Variants in RSU1 observed in about 807,000 individuals in gnomAD.
RSU1 encodes Ras suppressor protein 1.
Under a neutral mutation model 31.1 loss-of-function variants are expected in RSU1, and 26 were observed. That is an observed-to-expected ratio of 0.84 (90% CI 0.61 to 1.16). The LOEUF is 1.16. RSU1 is among the 50% of genes most tolerant of loss of function. The pLI, the probability that RSU1 is intolerant of heterozygous loss-of-function variation, is 0.00. For synonymous variants in RSU1, 164 were observed against 136.3 expected, an observed-to-expected ratio of 1.20 and a Z score of -1.41; for missense variants, 320 against 339.1, an observed-to-expected ratio of 0.94 and a Z score of 0.44.
intron 2 of RSU1, among the ~76,000 whole-genome samples, chr10:16,803,255 T>C (rs547585980): frequency 6.6e-6 from 1 of 152,158 alleles, no homozygotes; most frequent in Non-Finnish European, 1.5e-5. Flanking sequence ...ACACACCATT[T>C]ACATTAACAC....
chr10:16,702,879 CT>C (rs1588479742), intron 7 of RSU1, among the ~76,000 whole-genome samples: 1 of 152,178 alleles, frequency 6.6e-6, no homozygotes, highest in African/African-American at 2.4e-5. Flanking sequence ...TCGTTTGGAT[CT>C]GCAACCCTGC....
At chr10:16,781,720 T>G (rs10904805) in intron 3 of RSU1, among the ~76,000 whole-genome samples, 62,592 of 152,036 alleles carry the variant, frequency 0.41, 15,759 homozygotes, top group African/African-American at 0.72. Flanking sequence ...GGCGCCACGG[T>G]TCATGCCTGT....
chr10:16,621,991 AG>A (rs1171110817), intron 8 of RSU1, among the ~76,000 whole-genome samples: 1 of 152,222 alleles, frequency 6.6e-6, no homozygotes, highest in Non-Finnish European at 1.5e-5. Context: ...ATAACAATAC[AG>A]GTGCCTTGCT....
At chr10:16,697,829 CCTT>C (rs1835711079) in intron 7 of RSU1, among the ~76,000 whole-genome samples, 1 of 151,942 alleles carries the variant, frequency 6.6e-6, no homozygotes, top group South Asian at 2.1e-4. Context: ...AAATATCTTT[CCTT>C]CTTCTGCAAA....
intron 3 of RSU1, 113 bp downstream of exon 3, chr10:16,781,921 T>C: frequency 1.1e-6 from 1 of 889,526 alleles, no homozygotes; most frequent in Non-Finnish European, 1.8e-6. Flanking sequence ...AACTAAGGTT[T>C]CTGCAAATAA....
At chr10:16,598,941 T>C (rs918219712) in intron 8 of RSU1, among the ~76,000 whole-genome samples, 1 of 151,864 alleles carries the variant, frequency 6.6e-6, no homozygotes. Flanking sequence ...GATGGAAAAA[T>C]GAAAGAACCA....
rs540193264 is a variant in RSU1, at chr10:16,817,417, C to T, written c.-106G>A. The T allele has an allele frequency of 3.9e-6, 1 of 255,706 alleles. No homozygotes were observed. Among genetic ancestry groups the T allele is most frequent in the South Asian group, 5.2e-5 (1 of 19,316 alleles). 15.8% of individuals were successfully genotyped at this position (255,706 alleles called of 1,614,324 possible). On this transcript the variant is annotated 5_prime_UTR_variant, in exon 1 of 9. Transcript: ENST00000345264. ...TGCAACACCGGCACTGAACAGCGAA[C>T]ACGCCCTGTCTCGGCGCCCCGCGCA... is the stretch of plus-strand genomic sequence containing the variant.
intron 8 of RSU1, among the ~76,000 whole-genome samples, chr10:16,658,297 T>C (rs1160504251): frequency 6.6e-6 from 1 of 152,238 alleles, no homozygotes; most frequent in Non-Finnish European, 1.5e-5. Flanking sequence ...GAAATTGGGA[T>C]GAAGATAAAC....
intron 2 of RSU1, among the ~76,000 whole-genome samples, chr10:16,812,774 T>A (rs1370658054): frequency 6.6e-6 from 1 of 151,732 alleles, no homozygotes; most frequent in African/African-American, 2.4e-5. Context: ...GATTAAAAAA[T>A]CAGGAAACAC....
intron 8 of RSU1, among the ~76,000 whole-genome samples, chr10:16,678,411 C>G (rs1189750981): frequency 6.6e-6 from 1 of 152,202 alleles, no homozygotes. Context: ...AACCTTCTCT[C>G]AAGCTGTCTT....
chr10:16,609,447 C>A (rs139060498), intron 8 of RSU1, among the ~76,000 whole-genome samples: 2 of 152,316 alleles, frequency 1.3e-5, no homozygotes, highest in Non-Finnish European at 2.9e-5. Context: ...ATCTAAGAAT[C>A]TCACCCACAA....
At chr10:16,815,886 C>T (rs1318076224) in intron 2 of RSU1, among the ~76,000 whole-genome samples, 1 of 152,154 alleles carries the variant, frequency 6.6e-6, no homozygotes, top group African/African-American at 2.4e-5. Context: ...TTTGTAAAGG[C>T]ACCAAGATCT....
At chr10:16,812,454 C>A (rs139594928) in intron 2 of RSU1, among the ~76,000 whole-genome samples, 9 of 151,952 alleles carry the variant, frequency 5.9e-5, no homozygotes, top group South Asian at 2.1e-4. Flanking sequence ...AAACAAAAAA[C>A]AAAAATTAAA....
intron 7 of RSU1, among the ~76,000 whole-genome samples, chr10:16,704,595 C>T (rs954383708): frequency 6.6e-6 from 1 of 152,192 alleles, no homozygotes; most frequent in Admixed American, 6.5e-5. Flanking sequence ...GGGAGTTATA[C>T]ACAAAAACAA....
intron 8 of RSU1, among the ~76,000 whole-genome samples, chr10:16,633,619 C>G (rs1250342165): frequency 6.6e-6 from 1 of 152,012 alleles, no homozygotes; most frequent in Non-Finnish European, 1.5e-5. Context: ...GTGGTGAGTC[C>G]CAGGTCACTG....
At chr10:16,608,676 C>T (rs1196701650) in intron 8 of RSU1, among the ~76,000 whole-genome samples, 1 of 151,956 alleles carries the variant, frequency 6.6e-6, no homozygotes, top group Non-Finnish European at 1.5e-5. Flanking sequence ...ACGGCATCTC[C>T]GAGAGCTCAA....
At chr10:16,714,812 G>A (rs563620616) in intron 7 of RSU1, among the ~76,000 whole-genome samples, 24 of 152,128 alleles carry the variant, frequency 1.6e-4, no homozygotes, top group Non-Finnish European at 3.1e-4. Flanking sequence ...GGTTCAAGAT[G>A]GGACAGAGTT....
rs559142215 is a variant in RSU1, at chr10:16,751,459, C to G, written c.598+1080G>C. 1.7e-4 allele frequency among the ~76,000 whole-genome samples: 26 copies of G among 152,284 alleles called. No individual in the cohort carries two copies. In the South Asian group the frequency reaches 5.2e-3, roughly 30 times the overall value. ...GACTAATATGGCTGCCAACAGAACT[C>G]AAGGTGCTGATAGGCGTGCTCTGTG... On this transcript the variant is annotated intron_variant, in intron 7 of 8. Transcript: ENST00000345264.
chr10:16,772,661 A>G (rs78370116), intron 3 of RSU1, among the ~76,000 whole-genome samples: 2 of 143,780 alleles, frequency 1.4e-5, no homozygotes, highest in Non-Finnish European at 3.1e-5. Context: ...AAAAAAAAAA[A>G]CAAGAAAAAA....
Sources: gnomAD v4.1 joint callset for allele counts (sites outside exome capture counted in the v4.1 genomes callset) on GRCh38, gnomAD v4.1.1 for gene constraint, MANE v1.5 for transcripts, NCBI Gene and HGNC (gene_info 2026-07-23, HGNC 2026-07-21) for gene names.